The following SLIT3 variants were observed in gnomAD, a reference collection of about 807,000 sequenced individuals.
SLIT3 encodes the protein slit guidance ligand 3.
In SLIT3, 68 loss-of-function variants were observed where a neutral mutation model predicts 184.0. The observed-to-expected ratio is 0.37, with a 90% CI of 0.30 to 0.45. The LOEUF (loss-of-function observed/expected upper bound fraction) is 0.45. Among genes scored for constraint, SLIT3 ranks in the 20% least tolerant of loss-of-function variants. The pLI is 1.00. For missense variants in SLIT3, 1,707 were observed against 2,026.0 expected (o/e 0.84, Z 3.02); for synonymous variants, 831 against 828.6 (o/e 1.00, Z -0.05).
chr5:169,076,170 T>C (rs1428323939), intron 4 of SLIT3, among the ~76,000 whole-genome samples: 1 of 152,148 alleles, frequency 6.6e-6, no homozygotes, highest in Admixed American at 6.5e-5. Flanking sequence ...CTGGCCAAAG[T>C]GAGTTGCTGG....
intron 4 of SLIT3, among the ~76,000 whole-genome samples, chr5:168,998,432 G>A (rs1280893713): frequency 2.6e-5 from 4 of 152,152 alleles, no homozygotes; most frequent in Non-Finnish European, 4.4e-5. Context: ...TGGGCCAGGC[G>A]CGGTGGCTCA....
intron 14 of SLIT3, among the ~76,000 whole-genome samples, chr5:168,765,229 G>T: frequency 6.6e-6 from 1 of 152,192 alleles, no homozygotes; most frequent in East Asian, 1.9e-4. Flanking sequence ...CAAGGTGAGA[G>T]CAGCCTGTAG....
At chr5:169,078,592 C>A (rs1758839987) in intron 4 of SLIT3, among the ~76,000 whole-genome samples, 1 of 152,160 alleles carries the variant, frequency 6.6e-6, no homozygotes, top group Non-Finnish European at 1.5e-5. Context: ...CCAGCTTCTC[C>A]CTCCTATCAC....
intron 3 of SLIT3, among the ~76,000 whole-genome samples, chr5:169,202,523 G>A (rs1007291911): frequency 6.6e-6 from 1 of 152,148 alleles, no homozygotes; most frequent in African/African-American, 2.4e-5. Flanking sequence ...TAAAACCTGT[G>A]ATTTTAACCC....
intron 20 of SLIT3, among the ~76,000 whole-genome samples, chr5:168,733,821 G>A (rs938800584): frequency 6.6e-6 from 1 of 151,504 alleles, no homozygotes; most frequent in African/African-American, 2.4e-5. Context: ...AAGAAAATGT[G>A]GAATATCTAT....
chr5:169,046,399 A>G (rs1347530772), intron 4 of SLIT3, among the ~76,000 whole-genome samples: 1 of 152,244 alleles, frequency 6.6e-6, no homozygotes, highest in Non-Finnish European at 1.5e-5. Flanking sequence ...TGCAGAACAT[A>G]TAGATTCCCT....
chr5:169,084,289 CTTTTT>C (rs537953841), intron 4 of SLIT3, among the ~76,000 whole-genome samples: 10 of 140,288 alleles, frequency 7.1e-5, no homozygotes, highest in Admixed American at 7.2e-5. Context: ...TTTTTCTTTT[CTTTTT>C]TTTTTTTTTG....
intron 4 of SLIT3, among the ~76,000 whole-genome samples, chr5:169,100,383 G>A (rs538841754): frequency 1.3e-5 from 2 of 152,146 alleles, no homozygotes; most frequent in African/African-American, 2.4e-5. Flanking sequence ...ATGAGGCTTC[G>A]TTTACCTATT....
At position 169,263,716 on chromosome 5, in the gene SLIT3, C is replaced by G. The variant is rs374048499; in HGVS notation, c.198-12257G>C. On this transcript the variant is annotated intron_variant, in intron 1 of 35. Coordinates refer to ENST00000519560, the MANE Select transcript of SLIT3 (RefSeq NM_003062.4). ...CCCACACTCCCCCTGCAGCCTCCCCCAGCTGCTCCATCTCGTGCTGGCTTC... is the reference window on the plus strand; with the variant it reads ...CCCACACTCCCCCTGCAGCCTCCCCGAGCTGCTCCATCTCGTGCTGGCTTC... 4 of 510,792 alleles carry G rather than the reference C, an allele frequency of 7.8e-6. No individual in the cohort carries two copies. The East Asian group carries it at 2.0e-4, about 26-fold the overall frequency. 31.6% of individuals were successfully genotyped at this position (510,792 alleles called of 1,614,324 possible).
intron 1 of SLIT3, among the ~76,000 whole-genome samples, chr5:169,272,994 A>T (rs1391653334): frequency 6.6e-6 from 1 of 152,158 alleles, no homozygotes; most frequent in African/African-American, 2.4e-5. Flanking sequence ...GGTCTCAAGT[A>T]GCCGTGTGTG....
intron 1 of SLIT3, among the ~76,000 whole-genome samples, chr5:169,294,666 G>T (rs1261939254): frequency 1.3e-5 from 2 of 152,224 alleles, no homozygotes; most frequent in Admixed American, 6.5e-5. Context: ...CTATGGTGGG[G>T]TCATGCATCA....
intron 5 of SLIT3, among the ~76,000 whole-genome samples, chr5:168,880,737 C>T (rs1274241905): frequency 6.6e-6 from 1 of 152,166 alleles, no homozygotes; most frequent in African/African-American, 2.4e-5. Flanking sequence ...AGACTAAGAA[C>T]CTAGAACACA....
At chr5:168,758,993 T>C (rs1333567895) in intron 16 of SLIT3, among the ~76,000 whole-genome samples, 1 of 152,194 alleles carries the variant, frequency 6.6e-6, no homozygotes, top group East Asian at 1.9e-4. Context: ...AAATATCACA[T>C]AGCTACCTTC....
chr5:168,706,445 C>T (rs1762373786), intron 26 of SLIT3: 1 of 152,170 alleles, frequency 6.6e-6, no homozygotes, highest in Non-Finnish European at 1.5e-5. Context: ...TTGAGAGGAT[C>T]CACACATCCT....
intron 3 of SLIT3, among the ~76,000 whole-genome samples, chr5:169,225,085 GAT>G (rs1554108916): frequency 6.6e-6 from 1 of 152,074 alleles, no homozygotes; most frequent in Non-Finnish European, 1.5e-5. Flanking sequence ...TACTAATAAG[GAT>G]ACTCAAAATA....
intron 35 of SLIT3, among the ~76,000 whole-genome samples, chr5:168,669,287 C>T (rs1374459029): frequency 6.6e-6 from 1 of 152,238 alleles, no homozygotes; most frequent in Non-Finnish European, 1.5e-5. Flanking sequence ...GGACCATTCA[C>T]TCTGGGACAT....
chr5:169,186,145 C>G (rs1354496597), intron 4 of SLIT3, among the ~76,000 whole-genome samples: 1 of 152,178 alleles, frequency 6.6e-6, no homozygotes, highest in Non-Finnish European at 1.5e-5. Context: ...TGTTGAAACC[C>G]TAATCCCAAT....
intron 1 of SLIT3, among the ~76,000 whole-genome samples, chr5:169,295,699 A>G (rs4868480): frequency 0.011 from 1,745 of 152,366 alleles, 12 homozygotes; most frequent in Non-Finnish European, 0.018. Flanking sequence ...TACAGCTGCA[A>G]CCCACTGTTC....
At chr5:168,986,531 C>T (rs933041268) in intron 4 of SLIT3, among the ~76,000 whole-genome samples, 22 of 152,178 alleles carry the variant, frequency 1.4e-4, no homozygotes, top group Non-Finnish European at 5.9e-5. Flanking sequence ...CATCTCCATT[C>T]TCAGTGTCCT....
Sources: gnomAD v4.1 joint callset for allele counts (sites outside exome capture counted in the v4.1 genomes callset) on GRCh38, gnomAD v4.1.1 for gene constraint, MANE v1.5 for transcripts, NCBI Gene and HGNC (gene_info 2026-07-23, HGNC 2026-07-21) for gene names.